TXNRD1: variants seen among roughly 807,000 people sequenced by gnomAD.
TXNRD1 encodes the protein thioredoxin reductase 1.
A neutral mutation model predicts 80.3 loss-of-function variants in TXNRD1; 57 were observed. The ratio of observed to expected loss-of-function variants is 0.71; its 90% CI spans 0.57 to 0.89. TXNRD1 has a LOEUF of 0.89. Among genes scored for constraint, TXNRD1 ranks in the 40% least tolerant of loss-of-function variants. The probability of loss-of-function intolerance (pLI) is 0.00; values close to 1 mark genes in which losing one functional copy is unlikely to be tolerated. For missense variants in TXNRD1, 730 were observed against 803.0 expected (o/e 0.91, Z 1.10); for synonymous variants, 291 against 285.2 (o/e 1.02, Z -0.20).
Position 104,289,025 on chromosome 12 carries a change from T to C in TXNRD1, c.399T>C (p.His133=), listed in dbSNP as rs771243619. 1.2e-5 allele frequency: 20 copies of C among 1,613,812 alleles called. No individual in the cohort carries two copies. In the Admixed American group the frequency reaches 3.0e-4, roughly 24 times the overall value. ...VFVKQRKIGG[H]GPTLKAYQEG... is the part of the protein sequence containing the mutation. ...TGAAACAGAGAAAGATAGGCGGCCATGGTCCAACCTTGAAGGTAGGAGAGA... is the reference window on the plus strand; with the variant it reads ...TGAAACAGAGAAAGATAGGCGGCCACGGTCCAACCTTGAAGGTAGGAGAGA... The change falls in exon 4 of 17, where the codon CAT becomes CAC. Residue 133 remains histidine, a synonymous_variant. Transcript: ENST00000525566.
chr12:104,325,365 G>A lies in TXNRD1; in HGVS notation c.1244G>A (p.Gly415Asp). Reference sequence around the variant, plus strand: ...GAACAAATTGAAGCAGGGACACCAGGCCGACTCAGAGTAGTAGCTCAGTCC... The same window carrying A: ...GAACAAATTGAAGCAGGGACACCAGACCGACTCAGAGTAGTAGCTCAGTCC... ...KVEQIEAGTP[G>D]RLRVVAQSTN... is the part of the protein sequence containing the mutation. Residue 415 changes from glycine (G) to aspartate (D), a missense_variant, in exon 11 of 17, where the codon GGC becomes GAC. Coordinates refer to ENST00000525566, the MANE Select transcript of TXNRD1 (RefSeq NM_001093771.3). 2 of 1,613,370 alleles carry A rather than the reference G, an allele frequency of 1.2e-6. No individual in the cohort carries two copies. Among genetic ancestry groups the A allele is most frequent in the Non-Finnish European group, 1.7e-6 (2 of 1,179,620 alleles).
Position 104,327,394 on chromosome 12 carries a change from C to T in TXNRD1, c.1386-121C>T, listed in dbSNP as rs994358309. ...GAGCTGTTTTGTTTTATTTTTAACACATTAGAACATTGCCCTCAGCTAGAG... is the reference window on the plus strand; with the variant it reads ...GAGCTGTTTTGTTTTATTTTTAACATATTAGAACATTGCCCTCAGCTAGAG... On this transcript the variant is annotated intron_variant, in intron 12 of 16. Transcript: ENST00000525566. 3.2e-6 allele frequency: 3 copies of T among 924,346 alleles called. No individual in the cohort carries two copies. In the African/African-American group the frequency reaches 5.0e-5, roughly 15 times the overall value. The allele number at this position is 924,346 out of a possible 1,614,324, so 57.3% of individuals were successfully genotyped here. A position where few individuals can be genotyped will look rare whatever the true frequency, so the allele number is the denominator to read the frequency against.
intron 3 of TXNRD1, among the ~76,000 whole-genome samples, chr12:104,260,272 A>T (rs936050729): frequency 9.2e-5 from 14 of 152,044 alleles, no homozygotes; most frequent in African/African-American, 3.1e-4. Context: ...GTTCAAGACC[A>T]GCCTGACCAG....
chr12:104,243,445 A>T (rs2032917991), intron 1 of TXNRD1, among the ~76,000 whole-genome samples: 1 of 152,214 alleles, frequency 6.6e-6, no homozygotes, highest in Admixed American at 6.5e-5. Context: ...CTTATGGAGT[A>T]ACTTCTTTAC....
chr12:104,241,038 G>GT (rs1315164807), intron 1 of TXNRD1, among the ~76,000 whole-genome samples: 124 of 140,216 alleles, frequency 8.8e-4, no homozygotes, highest in Admixed American at 1.5e-3. Flanking sequence ...ACTGCGCCCA[G>GT]TTTTTTTTTT....
At chr12:104,234,634 CA>C (rs1350585014) in intron 1 of TXNRD1, among the ~76,000 whole-genome samples, 1 of 42,962 alleles carries the variant, frequency 2.3e-5, no homozygotes, top group African/African-American at 1.4e-4. Context: ...ATTTTAAAGT[CA>C]GGGAAAAAAA....
rs557909980 is a variant in TXNRD1, at chr12:104,279,497, G to C, written c.305-9434G>C. 2.6e-5 allele frequency among the ~76,000 whole-genome samples: 4 copies of C among 152,252 alleles called. No homozygotes were observed. The South Asian group carries it at 8.3e-4, about 32-fold the overall frequency. On this transcript the variant is annotated intron_variant, in intron 3 of 16. Transcript: ENST00000525566. ...AATCATGGGGATTGAGGAGAAGTTT[G>C]GGTGAGATGAAGGGGTGGAAGGACC...
intron 4 of TXNRD1, among the ~76,000 whole-genome samples, chr12:104,293,044 C>T (rs2034282708): frequency 6.6e-6 from 1 of 152,108 alleles, no homozygotes; most frequent in East Asian, 1.9e-4. Context: ...AATAGAGTTC[C>T]TACTGCTCAA....
At chr12:104,222,808 A>G (rs1593678229) in intron 1 of TXNRD1, among the ~76,000 whole-genome samples, 1 of 152,208 alleles carries the variant, frequency 6.6e-6, no homozygotes, top group South Asian at 2.1e-4. Context: ...CCGAGATTGC[A>G]CTGCTGCACT....
At chr12:104,246,769 C>T (rs1300928951) in intron 1 of TXNRD1, among the ~76,000 whole-genome samples, 1 of 152,034 alleles carries the variant, frequency 6.6e-6, no homozygotes, top group Non-Finnish European at 1.5e-5. Flanking sequence ...GATCCGCCCG[C>T]CTCGGTCTCC....
At chr12:104,248,928 T>C (rs2033053054) in intron 1 of TXNRD1, among the ~76,000 whole-genome samples, 1 of 152,202 alleles carries the variant, frequency 6.6e-6, no homozygotes, top group Admixed American at 6.5e-5. Flanking sequence ...CAAGTGATTC[T>C]CCTGCCTAGC....
At chr12:104,323,526 G>C (rs1184934391) in intron 10 of TXNRD1, among the ~76,000 whole-genome samples, 4 of 145,128 alleles carry the variant, frequency 2.8e-5, no homozygotes, top group African/African-American at 7.9e-5. Context: ...TGGCCGGGCG[G>C]GGGGCTGACA....
chr12:104,269,399 C>CTTT lies in TXNRD1; in HGVS notation c.304+11336_304+11338dup, dbSNP rs71069741. Among the ~76,000 whole-genome samples the CTTT allele has an allele frequency of 3.6e-3, 429 of 120,410 alleles. 3 individuals are homozygous for CTTT. Among genetic ancestry groups the CTTT allele is most frequent in the African/African-American group, 0.012 (397 of 31,982 alleles). The allele number at this position is 120,410 out of a possible 152,430, so 79.0% of individuals were successfully genotyped here. A position where few individuals can be genotyped will look rare whatever the true frequency, so the allele number is the denominator to read the frequency against. ...TTTTCTTCTTTTTCTGTGTTTCTTT[C>CTTT]TTTTTTTTTTTTTTTTTTGAGACAG... On this transcript the variant is annotated intron_variant, in intron 3 of 16. Coordinates refer to ENST00000525566, the MANE Select transcript of TXNRD1 (RefSeq NM_001093771.3).
At chr12:104,328,236 T>C (rs949212959) in intron 13 of TXNRD1, among the ~76,000 whole-genome samples, 2 of 150,170 alleles carry the variant, frequency 1.3e-5, no homozygotes, top group African/African-American at 5.0e-5. Context: ...AAGAGCTTGA[T>C]TAATCAAGTT....
chr12:104,278,261 C>T (rs1593742391), intron 3 of TXNRD1, among the ~76,000 whole-genome samples: 3 of 134,912 alleles, frequency 2.2e-5, no homozygotes, highest in South Asian at 2.5e-4. Context: ...AGTGCAGTGG[C>T]GTGATCTCGG....
chr12:104,313,933 C>T (rs943504828), intron 6 of TXNRD1, among the ~76,000 whole-genome samples: 17 of 152,196 alleles, frequency 1.1e-4, no homozygotes, highest in Non-Finnish European at 2.4e-4. Context: ...AATTTAACTT[C>T]GAGAAGATTA....
intron 3 of TXNRD1, among the ~76,000 whole-genome samples, chr12:104,260,127 A>G (rs1233711688): frequency 6.6e-6 from 1 of 152,164 alleles, no homozygotes; most frequent in Non-Finnish European, 1.5e-5. Flanking sequence ...TGAGGTCAGG[A>G]GTTCAAGACC....
At chr12:104,235,079 T>G (rs1211361609) in intron 1 of TXNRD1, among the ~76,000 whole-genome samples, 1 of 152,160 alleles carries the variant, frequency 6.6e-6, no homozygotes, top group African/African-American at 2.4e-5. Context: ...AAATGAGCAC[T>G]CAAAGAATTT....
At chr12:104,322,374 C>CTTTTTT (rs58288808) in intron 10 of TXNRD1, among the ~76,000 whole-genome samples, 5 of 61,548 alleles carry the variant, frequency 8.1e-5, no homozygotes, top group African/African-American at 2.9e-4. Context: ...TTATTTTTAC[C>CTTTTTT]TTTTTTTTTT....
Sources: allele counts gnomAD v4.1 joint callset (sites outside exome capture counted in the v4.1 genomes callset), GRCh38; gene constraint gnomAD v4.1.1; transcripts MANE v1.5; gene names NCBI Gene and HGNC (gene_info 2026-07-23, HGNC 2026-07-21).